The following ADH1A variants were observed in gnomAD, a reference collection of about 807,000 sequenced individuals.
ADH1A encodes alcohol dehydrogenase 1A.
ADH1A carries 29 observed loss-of-function variants against 35.2 expected under a neutral mutation model. That is an observed-to-expected ratio of 0.82 (90% CI 0.61 to 1.12). The LOEUF is 1.12. ADH1A is among the 50% of genes most tolerant of loss of function. The pLI, the probability that ADH1A is intolerant of heterozygous loss-of-function variation, is 0.00. For missense variants in ADH1A, 469 were observed against 464.7 expected, an observed-to-expected ratio of 1.01 and a Z score of -0.09; for synonymous variants, 147 against 164.8, an observed-to-expected ratio of 0.89 and a Z score of 0.83.
chr4:99,284,876 A>G (rs777102714), intron 3 of ADH1A, 73 bp from the exon 4 acceptor site: 9 of 1,306,470 alleles, frequency 6.9e-6, no homozygotes, highest in Non-Finnish European at 9.8e-6. Flanking sequence ...TAAAGCTCAC[A>G]TGTCTTTAAA....
At chr4:99,278,324 T>C (rs1353658313) in intron 8 of ADH1A, 1 of 151,902 alleles carries the variant, frequency 6.6e-6, no homozygotes, top group Non-Finnish European at 1.5e-5. Flanking sequence ...TGAGGGGCGG[T>C]GTGGTTTAAT....
intron 6 of ADH1A, among the ~76,000 whole-genome samples, chr4:99,281,656 G>A (rs1026031302): frequency 2.6e-5 from 4 of 152,166 alleles, no homozygotes; most frequent in Non-Finnish European, 4.4e-5. Flanking sequence ...AGGCTGCACT[G>A]TGCTAAGTAT....
intron 8 of ADH1A, among the ~76,000 whole-genome samples, chr4:99,277,528 A>T (rs1359373423): frequency 2.0e-5 from 3 of 152,120 alleles, no homozygotes; most frequent in Non-Finnish European, 1.5e-5. Flanking sequence ...ACAAGACAGC[A>T]GAAAGAAGAA....
At chr4:99,286,672 C>A in intron 3 of ADH1A, 178 bp downstream of exon 3, 1 of 1,054,046 alleles carries the variant, frequency 9.5e-7, no homozygotes, top group Admixed American at 2.6e-5. Context: ...ACATGCGTGC[C>A]TAAAGACATA....
At chr4:99,282,283 G>C in intron 6 of ADH1A, 63 bp downstream of exon 6, 1 of 1,613,824 alleles carries the variant, frequency 6.2e-7, no homozygotes, top group South Asian at 1.1e-5. Flanking sequence ...CATATATTCT[G>C]CAGCCTAAAT....
chr4:99,284,306 A>G, intron 5 of ADH1A, 93 bp downstream of exon 5: 1 of 1,364,596 alleles, frequency 7.3e-7, no homozygotes, highest in Non-Finnish European at 1.0e-6. Flanking sequence ...CAAAATCTAC[A>G]AAAATAATCT....
At chr4:99,278,361 G>C (rs548465500) in intron 8 of ADH1A, 2 of 152,184 alleles carry the variant, frequency 1.3e-5, no homozygotes, top group Non-Finnish European at 2.9e-5. Context: ...CTAACAACAA[G>C]ATCTACCTTT....
At chr4:99,280,034 G>T (rs976503414) in intron 7 of ADH1A, 110 bp downstream of exon 7, 2 of 1,483,780 alleles carry the variant, frequency 1.3e-6, no homozygotes, top group African/African-American at 1.4e-5. Context: ...AGATAGAAAA[G>T]GAATTTTAAT....
intron 6 of ADH1A, among the ~76,000 whole-genome samples, chr4:99,281,406 A>AT (rs1451901681): frequency 6.6e-6 from 1 of 152,200 alleles, no homozygotes; most frequent in African/African-American, 2.4e-5. Flanking sequence ...GCCAAAGATG[A>AT]TGTAAGTACT....
intron 8 of ADH1A, 30 bp from the exon 9 acceptor site, chr4:99,276,678 A>C: frequency 6.2e-7 from 1 of 1,601,554 alleles, no homozygotes; most frequent in Non-Finnish European, 8.6e-7. Flanking sequence ...ACATTGTATT[A>C]GCATTTAGAC....
rs28364300 is a variant in ADH1A, at chr4:99,286,607, A to T, written c.259+243T>A. 3.0e-3 allele frequency: 1,552 copies of T among 517,858 alleles called. 17 individuals are homozygous for T. The highest frequency in any genetic ancestry group is 0.027 in the African/African-American group (1,403 of 51,832). The allele number at this position is 517,858 out of a possible 1,614,324, so 32.1% of individuals were successfully genotyped here. On this transcript the variant is annotated intron_variant, in intron 3 of 8. Coordinates refer to ENST00000209668, the MANE Select transcript of ADH1A (RefSeq NM_000667.4). ...GATCCTCACATATCTCCAGGCTCCA[A>T]CCTGGTGACTGGCATCTAGCAGATG...
chr4:99,285,600 A>C (rs1056748412), intron 3 of ADH1A, among the ~76,000 whole-genome samples: 4 of 152,156 alleles, frequency 2.6e-5, no homozygotes, highest in Admixed American at 2.6e-4. Flanking sequence ...GTAGTTTAGT[A>C]GTTATTAGTT....
intron 7 of ADH1A, 98 bp downstream of exon 7, chr4:99,280,046 T>C: frequency 6.6e-7 from 1 of 1,520,322 alleles, no homozygotes; most frequent in Non-Finnish European, 9.1e-7. Context: ...AATTTTAATT[T>C]GTTTTTGATC....
Position 99,286,954 on chromosome 4 carries a change from T to A in ADH1A, c.155A>T (p.His52Leu), listed in dbSNP as rs746876988. ...VAVGICGTDD[H>L]VVSGTMVTPL... ...GGTCACCATGGTACCACTAACCACG[T>A]GGTCATCTGTGCCACAGATTCCTAC... The change falls in exon 3 of 9, where the codon CAC becomes CTC. Residue 52 changes from histidine (H) to leucine (L), a missense_variant. Coordinates refer to ENST00000209668, the MANE Select transcript of ADH1A (RefSeq NM_000667.4). 1 of 1,614,200 alleles carries A rather than the reference T, an allele frequency of 6.2e-7. No homozygotes were observed.
chr4:99,287,424 T>G, intron 2 of ADH1A, 140 bp downstream of exon 2: 1 of 843,056 alleles, frequency 1.2e-6, no homozygotes. Flanking sequence ...TTTTTAAAAT[T>G]TAAAAATTTA....
intron 7 of ADH1A, 128 bp from the exon 8 acceptor site, chr4:99,279,692 A>G: frequency 8.7e-7 from 1 of 1,144,256 alleles, no homozygotes. Context: ...GAGGTTAATA[A>G]GAGATACAGT....
intron 5 of ADH1A, among the ~76,000 whole-genome samples, chr4:99,283,611 G>T (rs1276057495): frequency 6.6e-6 from 1 of 152,142 alleles, no homozygotes; most frequent in East Asian, 1.9e-4. Flanking sequence ...CATGATCTAA[G>T]ATTCAGCAGG....
At chr4:99,283,613 T>A (rs540930514) in intron 5 of ADH1A, among the ~76,000 whole-genome samples, 2 of 152,298 alleles carry the variant, frequency 1.3e-5, no homozygotes, top group Admixed American at 6.5e-5. Flanking sequence ...TGATCTAAGA[T>A]TCAGCAGGAG....
At chr4:99,286,306 T>G (rs1406086287) in intron 3 of ADH1A, among the ~76,000 whole-genome samples, 1 of 152,188 alleles carries the variant, frequency 6.6e-6, no homozygotes, top group Non-Finnish European at 1.5e-5. Flanking sequence ...TCACCTAGTC[T>G]GCTTCATTGA....
Sources: gnomAD v4.1 joint callset for allele counts (sites outside exome capture counted in the v4.1 genomes callset) on GRCh38, gnomAD v4.1.1 for gene constraint, MANE v1.5 for transcripts, NCBI Gene and HGNC (gene_info 2026-07-23, HGNC 2026-07-21) for gene names.